Variants in NDST1 observed in about 807,000 individuals in gnomAD.
NDST1 encodes the protein N-deacetylase and N-sulfotransferase 1.
Under a neutral mutation model 92.8 loss-of-function variants are expected in NDST1, and 35 were observed. The observed-to-expected ratio is 0.38, with a 90% CI of 0.29 to 0.50. The LOEUF is 0.50. Ranked by LOEUF, NDST1 falls within the 20% of genes least tolerant of loss-of-function variation. The pLI, the probability that NDST1 is intolerant of heterozygous loss-of-function variation, is 0.94. For synonymous variants in NDST1, 493 were observed against 500.3 expected (o/e 0.99, Z 0.19); for missense variants, 822 against 1,182.7 (o/e 0.69, Z 4.47).
chr5:150,512,458 A>G (rs1753771555), intron 1 of NDST1, among the ~76,000 whole-genome samples: 1 of 152,248 alleles, frequency 6.6e-6, no homozygotes, highest in African/African-American at 2.4e-5. Context: ...CTGCATTTTC[A>G]GTGCCTAGTG....
Position 150,537,114 on chromosome 5 carries a change from T to C in NDST1, c.1437+1229T>C, listed in dbSNP as rs372623108. ...ATACTCTTGTGATTTCCTATGCCTG[T>C]CTTTACTTTAATCTCTTAATCCCGT... On this transcript the variant is annotated intron_variant, in intron 6 of 14. Coordinates refer to ENST00000261797, the MANE Select transcript of NDST1 (RefSeq NM_001543.5). 1.0e-4 allele frequency among the ~76,000 whole-genome samples: 16 copies of C among 152,386 alleles called. No individual in the cohort carries two copies. The East Asian group carries it at 2.3e-3, about 22-fold the overall frequency.
At position 150,521,910 on chromosome 5, in the gene NDST1, C is replaced by T. The variant is rs1754254350; in HGVS notation, c.513+143C>T. ...GTTAAATGAGTGAGTATATGTAAAG[C>T]ACTGGGAGCATGCGGTGCCCACTGC... On this transcript the variant is annotated intron_variant, in intron 2 of 14. Transcript: ENST00000261797. This position sits in a 1 kb window ranked among gnomAD's most constrained non-coding sequence, Gnocchi z 5.9. 3.6e-6 allele frequency: 4 copies of T among 1,111,012 alleles called. No homozygotes were observed. In the East Asian group the frequency reaches 7.5e-5, roughly 21 times the overall value. The allele number at this position is 1,111,012 out of a possible 1,614,324, so 68.8% of individuals were successfully genotyped here. A position where few individuals can be genotyped will look rare whatever the true frequency, so the allele number is the denominator to read the frequency against.
chr5:150,532,763 G>A (rs1754803109), intron 3 of NDST1, among the ~76,000 whole-genome samples, 182 bp from the exon 4 acceptor site: 1 of 152,166 alleles, frequency 6.6e-6, no homozygotes, highest in South Asian at 2.1e-4. Flanking sequence ...CTGACCTCAA[G>A]TGATCCACCC....
chr5:150,520,503 T>C (rs1754198804), intron 1 of NDST1, among the ~76,000 whole-genome samples: 1 of 152,180 alleles, frequency 6.6e-6, no homozygotes, highest in South Asian at 2.1e-4. Flanking sequence ...GTTTATCATC[T>C]CTCCCCATCC....
At chr5:150,515,657 T>A (rs2151260014) in intron 1 of NDST1, among the ~76,000 whole-genome samples, 1 of 152,194 alleles carries the variant, frequency 6.6e-6, no homozygotes, top group East Asian at 1.9e-4. Flanking sequence ...GGTGACTGGC[T>A]GGGTGAGGCT....
chr5:150,545,630 T>C (rs1755444542), intron 11 of NDST1, 144 bp downstream of exon 11: 12 of 1,048,934 alleles, frequency 1.1e-5, no homozygotes, highest in Admixed American at 2.3e-5. Context: ...TGGTGATGGC[T>C]GAGAATAGAG....
intron 3 of NDST1, among the ~76,000 whole-genome samples, chr5:150,530,079 T>C (rs1754652851): frequency 6.6e-6 from 1 of 152,116 alleles, no homozygotes; most frequent in Non-Finnish European, 1.5e-5. Flanking sequence ...TGAAATGGGG[T>C]GAATGGGAAG....
rs115975120 is a variant in NDST1 at position 150,511,368 on chromosome 5, G to C, written c.-388+3142G>C. Among the ~76,000 whole-genome samples, 1,288 of 152,324 alleles carry C rather than the reference G, an allele frequency of 8.5e-3. 16 individuals carry two copies. Among genetic ancestry groups the C allele is most frequent in the African/African-American group, 0.029 (1,210 of 41,562 alleles). On this transcript the variant is annotated intron_variant, in intron 1 of 14. Transcript: ENST00000261797. ...CCATGTTCTAGTTGCAAGAACAACT[G>C]ATACCTGGTGTTGCGTGGTGGGATG...
At chr5:150,547,426 C>A (rs998422362) in intron 11 of NDST1, among the ~76,000 whole-genome samples, 1 of 152,182 alleles carries the variant, frequency 6.6e-6, no homozygotes, top group Non-Finnish European at 1.5e-5. Context: ...GTGCCTGTCG[C>A]ACAGGTGCCT....
chr5:150,553,707 G>A lies in NDST1; in HGVS notation c.*375G>A, dbSNP rs1012606017. 3.9e-5 allele frequency: 16 copies of A among 412,796 alleles called. No individual in the cohort carries two copies. The highest frequency in any genetic ancestry group is 2.6e-4 in the African/African-American group (13 of 49,104). 25.6% of individuals were successfully genotyped at this position (412,796 alleles called of 1,614,324 possible). The stretch of plus-strand genomic sequence containing the variant: ...TTCCGCAGGGCGCCCCTCAGTATTC[G>A]CTGCCATATGTCCCTGTCCTCCAGG... On this transcript the variant is annotated 3_prime_UTR_variant, in exon 15 of 15. Coordinates refer to ENST00000261797, the MANE Select transcript of NDST1 (RefSeq NM_001543.5). The surrounding 1 kb of genome is among the most constrained non-coding windows in gnomAD (Gnocchi z 4.2).
intron 1 of NDST1, among the ~76,000 whole-genome samples, chr5:150,517,162 T>G (rs1222984735): frequency 6.6e-6 from 1 of 151,950 alleles, no homozygotes; most frequent in African/African-American, 2.4e-5. Flanking sequence ...GGTACTTTTC[T>G]TTTTTTTGAG....
At chr5:150,503,712 G>C (rs923167062), upstream of NDST1, among the ~76,000 whole-genome samples, 1 of 152,156 alleles carries the variant, frequency 6.6e-6, no homozygotes, top group Admixed American at 6.5e-5. Flanking sequence ...TGAGAGCTGC[G>C]GGCCGGCCCT....
intron 12 of NDST1, 122 bp from the exon 13 acceptor site, chr5:150,549,556 A>T: frequency 1.4e-6 from 1 of 707,394 alleles, no homozygotes; most frequent in Non-Finnish European, 2.6e-6. Flanking sequence ...GGGGAGGAGG[A>T]GCCAGTTCTA....
chr5:150,501,550 T>A (rs1753229177), intron 1 of NDST1, among the ~76,000 whole-genome samples: 1 of 152,178 alleles, frequency 6.6e-6, no homozygotes, highest in African/African-American at 2.4e-5. Context: ...AGGTTGAGTC[T>A]TGTATCAGCC....
chr5:150,510,950 C>T (rs1382141573), intron 1 of NDST1, among the ~76,000 whole-genome samples: 1 of 152,192 alleles, frequency 6.6e-6, no homozygotes, highest in Non-Finnish European at 1.5e-5. Context: ...CAAATGTTAG[C>T]TGTCTTAGGT....
intron 14 of NDST1, among the ~76,000 whole-genome samples, chr5:150,552,841 T>C (rs1041367129): frequency 1.3e-5 from 2 of 151,886 alleles, no homozygotes; most frequent in South Asian, 2.1e-4. Context: ...CATGGTGGGT[T>C]TTTTGTTTTT....
intron 1 of NDST1, among the ~76,000 whole-genome samples, chr5:150,513,243 C>G (rs1025159926): frequency 6.6e-6 from 1 of 151,924 alleles, no homozygotes; most frequent in Non-Finnish European, 1.5e-5. Context: ...ATAATCCCAG[C>G]ACTTTGGGAG....
At chr5:150,541,365 C>T (rs528102945) in intron 8 of NDST1, among the ~76,000 whole-genome samples, 4 of 152,242 alleles carry the variant, frequency 2.6e-5, no homozygotes, top group African/African-American at 9.6e-5. Context: ...GGGCATTTTG[C>T]GAGCTCTTTG....
intron 1 of NDST1, among the ~76,000 whole-genome samples, chr5:150,509,718 C>T (rs1438346766): frequency 6.6e-6 from 1 of 152,168 alleles, no homozygotes; most frequent in Admixed American, 6.5e-5. Context: ...ACCGTGTTAG[C>T]CAGGATGGTC....
Sources: allele counts gnomAD v4.1 joint callset (sites outside exome capture counted in the v4.1 genomes callset), GRCh38; gene constraint gnomAD v4.1.1; non-coding constraint Gnocchi (gnomAD v3.1); transcripts MANE v1.5; gene names NCBI Gene and HGNC (gene_info 2026-07-23, HGNC 2026-07-21).